Variants in PI4K2A observed in about 807,000 individuals in gnomAD.
The protein encoded by PI4K2A is phosphatidylinositol 4-kinase type 2 alpha.
Under a neutral mutation model 55.0 loss-of-function variants are expected in PI4K2A, and 20 were observed. The ratio of observed to expected loss-of-function variants is 0.36; its 90% confidence interval spans 0.26 to 0.53. The LOEUF is 0.53. PI4K2A is among the 20% of genes least tolerant of loss of function. The pLI is 0.91. For synonymous variants in PI4K2A, 235 were observed against 258.5 expected (o/e 0.91, Z 0.87); for missense variants, 463 against 637.1 (o/e 0.73, Z 2.94).
intron 1 of PI4K2A, 126 bp from the exon 2 acceptor site, chr10:97,650,815 G>C (rs903460325): frequency 2.2e-5 from 15 of 690,542 alleles, no homozygotes; most frequent in Admixed American, 2.7e-5. Flanking sequence ...AGAAACCTGA[G>C]TCCAACTGTA....
chr10:97,660,892 T>C (rs900170580), intron 4 of PI4K2A, among the ~76,000 whole-genome samples: 5 of 151,808 alleles, frequency 3.3e-5, no homozygotes, highest in African/African-American at 7.3e-5. Flanking sequence ...TCAACAGTTA[T>C]TATGTAAGGT....
chr10:97,652,807 C>T (rs999796586), intron 2 of PI4K2A, among the ~76,000 whole-genome samples: 1 of 152,234 alleles, frequency 6.6e-6, no homozygotes, highest in Non-Finnish European at 1.5e-5. Context: ...TTTCCTCTCT[C>T]ATTCTCAGCA....
chr10:97,666,287 C>T, intron 6 of PI4K2A, 151 bp from the exon 7 acceptor site: 1 of 661,330 alleles, frequency 1.5e-6, no homozygotes. Context: ...GCTGTGTAAC[C>T]TTTACAGTTA....
At chr10:97,646,756 T>G (rs1314963278) in intron 1 of PI4K2A, among the ~76,000 whole-genome samples, 1 of 152,054 alleles carries the variant, frequency 6.6e-6, no homozygotes, top group African/African-American at 2.4e-5. Flanking sequence ...CCCGCTGGGT[T>G]CCAGGTTCCA....
chr10:97,653,929 T>A (rs886838853), intron 2 of PI4K2A, among the ~76,000 whole-genome samples: 2 of 146,216 alleles, frequency 1.4e-5, no homozygotes, highest in African/African-American at 2.6e-5. Flanking sequence ...AAAAAAAAAA[T>A]ACTTGTCTTC....
chr10:97,673,556 A>T, intron 8 of PI4K2A, 25 bp from the exon 9 acceptor site: 1 of 1,611,404 alleles, frequency 6.2e-7, no homozygotes, highest in South Asian at 1.1e-5. Flanking sequence ...CCTCTCCCTC[A>T]CCCATCTCCT....
chr10:97,661,149 A>G lies in PI4K2A; in HGVS notation c.923-1758A>G, dbSNP rs963438193. Among the ~76,000 whole-genome samples the G allele has an allele frequency of 2.6e-3, 394 of 151,328 alleles. 1 individual carries two copies. The highest frequency in any genetic ancestry group is 8.8e-3 in the African/African-American group (364 of 41,246). ...TGGGACTACAGGCGCCCGCCACCAC[A>G]CCCGGCTAATTTTTTGTATTTTTAG... is the stretch of plus-strand genomic sequence containing the variant. On this transcript the variant is annotated intron_variant, in intron 4 of 8. Coordinates refer to ENST00000370631, the Ensembl canonical transcript of PI4K2A.
intron 1 of PI4K2A, among the ~76,000 whole-genome samples, chr10:97,646,258 G>A (rs1424345647): frequency 6.8e-6 from 1 of 146,778 alleles, no homozygotes; most frequent in Non-Finnish European, 1.5e-5. Context: ...TCACTCTGTC[G>A]CTCAGGCTAG....
chr10:97,673,308 A>C (rs1416875422), intron 8 of PI4K2A, among the ~76,000 whole-genome samples: 8 of 151,948 alleles, frequency 5.3e-5, no homozygotes, highest in Non-Finnish European at 1.2e-4. Flanking sequence ...ATTTTTTTGA[A>C]TTCTCCCCAA....
intron 2 of PI4K2A, among the ~76,000 whole-genome samples, chr10:97,654,789 C>T (rs894270341): frequency 2.1e-5 from 3 of 139,556 alleles, no homozygotes; most frequent in Admixed American, 1.4e-4. Context: ...ATGTGGATTA[C>T]AATTACGTCA....
At chr10:97,662,363 G>A (rs1041028309) in intron 4 of PI4K2A, among the ~76,000 whole-genome samples, 1 of 152,096 alleles carries the variant, frequency 6.6e-6, no homozygotes. Flanking sequence ...CTGTATAAAG[G>A]CCTAAGATGT....
chr10:97,667,106 G>C, exon 8 of PI4K2A: 1 of 1,612,964 alleles, frequency 6.2e-7, no homozygotes, highest in Non-Finnish European at 8.5e-7. Flanking sequence ...GCAGATTGCT[G>C]TCATGCGGGG....
chr10:97,673,733 A>G (rs1236965394), exon 9 of PI4K2A: 11 of 1,613,822 alleles, frequency 6.8e-6, no homozygotes, highest in African/African-American at 1.3e-5. Context: ...CCTTCTTTTC[A>G]TGGTGGTAGC....
Position 97,662,909 on chromosome 10 carries a change from C to T in PI4K2A, c.925C>T (p.Arg309Ter), listed in dbSNP as rs766055659. ...TAACTTTATATTTCTGTTCACAGAT[C>T]GAGGCAATGACAACTGGCTGATTAA... The change falls in exon 5 of 9, where the codon CGA becomes TGA. Residue 309 changes from arginine (R) to a stop codon, truncating the protein, a stop_gained and splice_region_variant. Transcript: ENST00000370631. LOFTEE classifies it high-confidence loss of function. 3 of 1,602,788 alleles carry T rather than the reference C, an allele frequency of 1.9e-6. No homozygotes were observed. The highest frequency in any genetic ancestry group is 1.3e-5 in the African/African-American group (1 of 74,776).
chr10:97,673,778 T>C (rs2041647831), exon 9 of PI4K2A: 1 of 1,603,058 alleles, frequency 6.2e-7, no homozygotes, highest in African/African-American at 1.3e-5. Flanking sequence ...TGTCAGAGAC[T>C]GGTGGGAGGA....
intron 8 of PI4K2A, among the ~76,000 whole-genome samples, chr10:97,672,409 A>G (rs1162950128): frequency 1.3e-5 from 2 of 152,178 alleles, no homozygotes; most frequent in African/African-American, 4.8e-5. Context: ...TTTCTACACT[A>G]TAGTTAGATA....
intron 2 of PI4K2A, among the ~76,000 whole-genome samples, chr10:97,651,762 C>T (rs1044347718): frequency 1.8e-4 from 27 of 151,910 alleles, no homozygotes; most frequent in African/African-American, 6.5e-4. Flanking sequence ...TGAGGTCTCC[C>T]CCAACCCCCA....
At chr10:97,644,544 T>A (rs773288759) in intron 1 of PI4K2A, among the ~76,000 whole-genome samples, 4 of 152,186 alleles carry the variant, frequency 2.6e-5, no homozygotes, top group African/African-American at 4.8e-5. Flanking sequence ...CATTTCACTT[T>A]ATTGGAGACA....
At chr10:97,664,912 C>G (rs1464840060) in exon 6 of PI4K2A, 1 of 1,613,762 alleles carries the variant, frequency 6.2e-7, no homozygotes, top group East Asian at 2.2e-5. Context: ...GGTGAAGGAG[C>G]CTGTTATCAA....
Sources: allele counts gnomAD v4.1 joint callset (sites outside exome capture counted in the v4.1 genomes callset), GRCh38; gene constraint gnomAD v4.1.1; transcripts MANE v1.5; gene names NCBI Gene and HGNC (gene_info 2026-07-23, HGNC 2026-07-21).